APIP: variants seen among roughly 807,000 people sequenced by gnomAD.
APIP encodes the protein APAF1 interacting protein.
In APIP, 32 loss-of-function variants were observed where a neutral mutation model predicts 32.0. The observed-to-expected ratio is 1.00, with a 90% CI of 0.76 to 1.34. The LOEUF (loss-of-function observed/expected upper bound fraction) is 1.34. APIP is among the 40% of genes most tolerant of loss of function. The pLI, the probability that APIP is intolerant of heterozygous loss-of-function variation, is 0.00. For synonymous variants in APIP, 92 were observed against 94.8 expected (o/e 0.97, Z 0.17); for missense variants, 247 against 298.6 (o/e 0.83, Z 1.27).
intron 1 of APIP, among the ~76,000 whole-genome samples, chr11:34,899,146 G>C (rs1311056203): frequency 6.6e-6 from 1 of 152,182 alleles, no homozygotes; most frequent in East Asian, 1.9e-4. Flanking sequence ...TGGGATTACA[G>C]GCGTGAGCCA....
chr11:34,894,481 AAAAAAAC>A (rs1214640581), intron 2 of APIP, among the ~76,000 whole-genome samples: 2 of 151,002 alleles, frequency 1.3e-5, no homozygotes, highest in Non-Finnish European at 3.0e-5. Flanking sequence ...AAAAAAAAAA[AAAAAAAC>A]CCCAGAAAAA....
At chr11:34,910,443 T>G (rs752091272) in intron 1 of APIP, among the ~76,000 whole-genome samples, 6 of 152,114 alleles carry the variant, frequency 3.9e-5, no homozygotes, top group Non-Finnish European at 7.3e-5. Flanking sequence ...ACTGGTTAAT[T>G]AAGACAGTTT....
chr11:34,882,970 C>T (rs1284311338), intron 6 of APIP, among the ~76,000 whole-genome samples, 154 bp from the exon 7 acceptor site: 8 of 152,204 alleles, frequency 5.3e-5, no homozygotes, highest in Non-Finnish European at 1.2e-4. Flanking sequence ...TTTCCCTCAA[C>T]ATTTTTAAAA....
chr11:34,887,048 T>C (rs1295858500), intron 5 of APIP, among the ~76,000 whole-genome samples: 1 of 152,218 alleles, frequency 6.6e-6, no homozygotes, highest in African/African-American at 2.4e-5. Context: ...TTTCATTGCC[T>C]TTCTTTTGAT....
chr11:34,901,787 G>C (rs1853374619), intron 1 of APIP, among the ~76,000 whole-genome samples: 1 of 152,158 alleles, frequency 6.6e-6, no homozygotes, highest in Admixed American at 6.5e-5. Context: ...AACTACAAGT[G>C]TGGGCAACTC....
intron 1 of APIP, chr11:34,896,752 T>C (rs1853279235): frequency 7.9e-7 from 1 of 1,263,078 alleles, no homozygotes; most frequent in Non-Finnish European, 1.0e-6. Context: ...CAAAGGAAAA[T>C]GAGACTACCT....
intron 1 of APIP, among the ~76,000 whole-genome samples, chr11:34,899,398 G>A (rs1364997150): frequency 6.6e-6 from 1 of 152,184 alleles, no homozygotes; most frequent in Admixed American, 6.5e-5. Context: ...GCAGGAAAAT[G>A]GCCGTTTGGT....
chr11:34,916,302 C>A lies in APIP; in HGVS notation c.-18G>T. 6.2e-7 allele frequency: 1 copy of A among 1,611,014 alleles called. No homozygotes were observed. On this transcript the variant is annotated 5_prime_UTR_variant, in exon 1 of 7. Coordinates refer to ENST00000395787, the MANE Select transcript of APIP (RefSeq NM_015957.4). The stretch of plus-strand genomic sequence containing the variant: ...CCAGACATGGCCCAGACCAGGGACC[C>A]GCGCGGCCTCCAATCTCCGCACGGC...
chr11:34,882,803 C>A lies in APIP; in HGVS notation c.643G>T (p.Asp215Tyr). ...EKAKTMCECYDYLFDIAVSMK... is the reference protein window; with the variant it reads ...EKAKTMCECYYYLFDIAVSMK... ...GATACGGCAATATCAAATAAATAGT[C>A]ATAACACTCACACCTGTAAAAGAAA... The change falls in exon 7 of 7, where the codon GAC becomes TAC. Residue 215 changes from aspartate (D) to tyrosine (Y), a missense_variant. Transcript: ENST00000395787. 3 of 1,606,162 alleles carry A rather than the reference C, an allele frequency of 1.9e-6. No homozygotes were observed. Among genetic ancestry groups the A allele is most frequent in the Non-Finnish European group, 2.6e-6 (3 of 1,174,368 alleles).
At chr11:34,901,831 C>CA (rs1853375400) in intron 1 of APIP, among the ~76,000 whole-genome samples, 1 of 152,180 alleles carries the variant, frequency 6.6e-6, no homozygotes, top group African/African-American at 2.4e-5. Flanking sequence ...ACCACTAGGC[C>CA]AGTCCAGATC....
At chr11:34,907,491 T>C (rs1853477607) in intron 1 of APIP, among the ~76,000 whole-genome samples, 1 of 152,228 alleles carries the variant, frequency 6.6e-6, no homozygotes, top group Non-Finnish European at 1.5e-5. Context: ...ACATTTTCAA[T>C]CCTTGAGACC....
intron 1 of APIP, among the ~76,000 whole-genome samples, chr11:34,896,285 C>G (rs1853269350): frequency 6.6e-6 from 1 of 152,188 alleles, no homozygotes; most frequent in Admixed American, 6.5e-5. Flanking sequence ...ATGTTTACTG[C>G]AGCACTATTT....
chr11:34,909,863 G>T (rs1212730402), intron 1 of APIP, among the ~76,000 whole-genome samples: 1 of 152,200 alleles, frequency 6.6e-6, no homozygotes. Context: ...TGCCTTTCAT[G>T]AAATGAGAGA....
chr11:34,883,026 C>T (rs769877357), intron 6 of APIP, among the ~76,000 whole-genome samples: 3 of 152,136 alleles, frequency 2.0e-5, no homozygotes, highest in African/African-American at 7.2e-5. Flanking sequence ...TTACATACCT[C>T]TCAGGAAATA....
At chr11:34,891,620 A>G (rs1381823842) in intron 2 of APIP, among the ~76,000 whole-genome samples, 1 of 152,184 alleles carries the variant, frequency 6.6e-6, no homozygotes, top group Non-Finnish European at 1.5e-5. Flanking sequence ...TAAAAATCTA[A>G]GGTGAAATCA....
chr11:34,898,795 T>G (rs1348330888), intron 1 of APIP, among the ~76,000 whole-genome samples: 9 of 123,368 alleles, frequency 7.3e-5, no homozygotes, highest in African/African-American at 2.8e-4. Context: ...GGTTTTTTTT[T>G]TTTTTTTTTT....
intron 5 of APIP, among the ~76,000 whole-genome samples, chr11:34,887,161 A>C (rs1437728989): frequency 2.0e-5 from 3 of 151,624 alleles, no homozygotes; most frequent in African/African-American, 7.3e-5. Context: ...ACAGAATTGC[A>C]AAGGGCCACC....
At chr11:34,915,375 G>A (rs1853654886) in intron 1 of APIP, among the ~76,000 whole-genome samples, 1 of 152,134 alleles carries the variant, frequency 6.6e-6, no homozygotes, top group Non-Finnish European at 1.5e-5. Flanking sequence ...CAAATGTTTA[G>A]CAATGAAATC....
chr11:34,916,328 T>G lies in APIP; in HGVS notation c.-44A>C. On this transcript the variant is annotated 5_prime_UTR_variant, in exon 1 of 7. Transcript: ENST00000395787. ...GCGCGGCCTCCAATCTCCGCACGGC[T>G]TTGCGCGCGGCGCTTAGCCTGGGAT... 6.2e-7 allele frequency: 1 copy of G among 1,606,014 alleles called. No homozygotes were observed.
Sources: allele counts gnomAD v4.1 joint callset (sites outside exome capture counted in the v4.1 genomes callset), GRCh38; gene constraint gnomAD v4.1.1; transcripts MANE v1.5; gene names NCBI Gene and HGNC (gene_info 2026-07-23, HGNC 2026-07-21).